The following MARK1 variants were observed in gnomAD, a reference collection of about 807,000 sequenced individuals.
MARK1 encodes microtubule affinity regulating kinase 1.
MARK1 carries 40 observed loss-of-function variants against 96.3 expected under a neutral mutation model. The observed-to-expected ratio is 0.42, with a 90% CI of 0.32 to 0.54. The LOEUF (loss-of-function observed/expected upper bound fraction) is 0.54, where lower values mean the gene tolerates loss of function less well. Ranked by LOEUF, MARK1 falls within the 20% of genes least tolerant of loss-of-function variation. The pLI is 0.16. For synonymous variants in MARK1, 317 were observed against 341.2 expected, an observed-to-expected ratio of 0.93 and a Z score of 0.78; for missense variants, 719 against 984.6, an observed-to-expected ratio of 0.73 and a Z score of 3.61.
At chr1:220,532,911 G>A (rs1446252321) in intron 1 of MARK1, among the ~76,000 whole-genome samples, 1 of 152,030 alleles carries the variant, frequency 6.6e-6, no homozygotes, top group Non-Finnish European at 1.5e-5. Context: ...TAGAGAGGCT[G>A]AGGTGGGAGG....
intron 11 of MARK1, 102 bp downstream of exon 11, chr1:220,632,415 C>T (rs1408695725): frequency 2.1e-5 from 11 of 514,232 alleles, no homozygotes; most frequent in Non-Finnish European, 3.8e-5. Context: ...AGATCCTACC[C>T]TAACATTCTT....
chr1:220,529,010 C>A, intron 1 of MARK1, 137 bp downstream of exon 1: 1 of 767,794 alleles, frequency 1.3e-6, no homozygotes, highest in Non-Finnish European at 2.1e-6. Flanking sequence ...CCCGGCGTGA[C>A]CCTCACCCAC....
At chr1:220,560,970 A>G (rs1455962778) in intron 1 of MARK1, among the ~76,000 whole-genome samples, 2 of 152,148 alleles carry the variant, frequency 1.3e-5, no homozygotes, top group Non-Finnish European at 2.9e-5. Flanking sequence ...TTTCAGGTGC[A>G]GATGTAGAGT....
At chr1:220,560,751 A>G (rs1217286823) in intron 1 of MARK1, among the ~76,000 whole-genome samples, 2 of 152,202 alleles carry the variant, frequency 1.3e-5, no homozygotes, top group Admixed American at 1.3e-4. Context: ...TGAATTGCCT[A>G]TTTCTGGAAT....
At chr1:220,544,370 T>C (rs1241383158) in intron 1 of MARK1, among the ~76,000 whole-genome samples, 1 of 152,224 alleles carries the variant, frequency 6.6e-6, no homozygotes, top group East Asian at 1.9e-4. Flanking sequence ...AATGGCTTAA[T>C]GTTTTCTCAG....
At chr1:220,634,959 G>A (rs17008126) in intron 11 of MARK1, among the ~76,000 whole-genome samples, 1 of 152,102 alleles carries the variant, frequency 6.6e-6, no homozygotes, top group East Asian at 1.9e-4. Flanking sequence ...GAATCTCAGT[G>A]ATGCCCCTTA....
At chr1:220,537,316 C>T (rs1418828903) in intron 1 of MARK1, among the ~76,000 whole-genome samples, 1 of 146,092 alleles carries the variant, frequency 6.8e-6, no homozygotes, top group Non-Finnish European at 1.5e-5. Flanking sequence ...TCAATTCCCA[C>T]CTATGAGTGA....
At chr1:220,560,734 A>T (rs978029204) in intron 1 of MARK1, among the ~76,000 whole-genome samples, 1 of 152,176 alleles carries the variant, frequency 6.6e-6, no homozygotes. Context: ...GCACAATTTA[A>T]AATGTATGAA....
At chr1:220,631,684 T>C (rs960625293) in intron 10 of MARK1, among the ~76,000 whole-genome samples, 1 of 152,174 alleles carries the variant, frequency 6.6e-6, no homozygotes, top group African/African-American at 2.4e-5. Context: ...ATCTCAACTG[T>C]GTTCCTATCT....
intron 9 of MARK1, among the ~76,000 whole-genome samples, chr1:220,629,035 T>C (rs1667519299): frequency 6.6e-6 from 1 of 152,070 alleles, no homozygotes; most frequent in Non-Finnish European, 1.5e-5. Context: ...TATTTTCTGG[T>C]GATTAGCTTT....
chr1:220,532,475 C>T (rs564011792), intron 1 of MARK1, among the ~76,000 whole-genome samples: 1 of 152,210 alleles, frequency 6.6e-6, no homozygotes, highest in South Asian at 2.1e-4. Context: ...TGCTGTAACA[C>T]CCCCTTTGAA....
At chr1:220,592,087 C>T (rs1007447478) in intron 3 of MARK1, among the ~76,000 whole-genome samples, 1 of 151,790 alleles carries the variant, frequency 6.6e-6, no homozygotes, top group African/African-American at 2.4e-5. Context: ...TGAGGCAACC[C>T]CCATGATTCT....
At position 220,661,844 on chromosome 1, in the gene MARK1, A is replaced by G. The variant is rs1459806725; in HGVS notation, c.2066A>G (p.Lys689Arg). The G allele has an allele frequency of 1.9e-6, 3 of 1,611,986 alleles. No individual in the cohort carries two copies. Among genetic ancestry groups the G allele is most frequent in the Non-Finnish European group, 2.5e-6 (3 of 1,178,748 alleles). The change falls in exon 18 of 18, where the codon AAG (lysine) becomes AGG (arginine). Residue 689 changes from lysine (K) to arginine (R), a missense_variant. Lys to Arg is a conservative substitution (Grantham distance 26, BLOSUM62 2). Transcript: ENST00000366917. ...TCAGGGGAACCAAAAGAAAGAGACA[A>G]GGAAGAGGGTAAAGATTCTAAGCCG... The part of the protein sequence containing the change: ...STSGEPKERD[K>R]EEGKDSKPRS...
intron 3 of MARK1, among the ~76,000 whole-genome samples, chr1:220,595,173 A>G (rs1665250117): frequency 6.6e-6 from 1 of 152,186 alleles, no homozygotes; most frequent in South Asian, 2.1e-4. Flanking sequence ...TATAAAAATA[A>G]AGTCTATTAT....
intron 3 of MARK1, among the ~76,000 whole-genome samples, chr1:220,595,113 T>C (rs563564666): frequency 1.3e-5 from 2 of 152,336 alleles, no homozygotes; most frequent in South Asian, 4.1e-4. Flanking sequence ...AGGGAGTATA[T>C]GGAAACTGTT....
chr1:220,568,992 T>C (rs948555411), intron 1 of MARK1, among the ~76,000 whole-genome samples: 3 of 152,158 alleles, frequency 2.0e-5, no homozygotes, highest in Non-Finnish European at 4.4e-5. Context: ...CTCCTATACA[T>C]AGAATTTGTG....
At chr1:220,623,570 GAAT>G (rs909887850) in intron 9 of MARK1, among the ~76,000 whole-genome samples, 1 of 152,008 alleles carries the variant, frequency 6.6e-6, no homozygotes, top group Non-Finnish European at 1.5e-5. Flanking sequence ...CCAGTGGCTA[GAAT>G]AATAATAATA....
chr1:220,540,391 C>G (rs1226582701), intron 1 of MARK1, among the ~76,000 whole-genome samples: 1 of 152,140 alleles, frequency 6.6e-6, no homozygotes, highest in Non-Finnish European at 1.5e-5. Context: ...CGGGCTCTCT[C>G]AATGGATTGA....
chr1:220,638,736 C>T (rs1177675156), intron 13 of MARK1, among the ~76,000 whole-genome samples: 1 of 151,912 alleles, frequency 6.6e-6, no homozygotes, highest in East Asian at 1.9e-4. Context: ...CTGTTCTTAG[C>T]CACATAATAC....
Sources: gnomAD v4.1 joint callset for allele counts (sites outside exome capture counted in the v4.1 genomes callset) on GRCh38, gnomAD v4.1.1 for gene constraint, MANE v1.5 for transcripts, NCBI Gene and HGNC (gene_info 2026-07-23, HGNC 2026-07-21) for gene names.